Variants in PLD5 observed in about 807,000 individuals in gnomAD.
The protein encoded by PLD5 is phospholipase D family member 5, also known as inactive phospholipase D5.
PLD5 carries 36 observed loss-of-function variants against 61.1 expected under a neutral mutation model. That is an observed-to-expected ratio of 0.59 (90% CI 0.45 to 0.78). The LOEUF is 0.78. Among genes scored for constraint, PLD5 ranks in the 30% least tolerant of loss-of-function variants. The pLI is 0.00. For synonymous variants in PLD5, 243 were observed against 242.8 expected (o/e 1.00, Z -0.01); for missense variants, 515 against 644.4 (o/e 0.80, Z 2.17).
intron 2 of PLD5, among the ~76,000 whole-genome samples, chr1:242,327,186 T>C (rs1453533606): frequency 6.6e-6 from 1 of 152,040 alleles, no homozygotes; most frequent in Non-Finnish European, 1.5e-5. Flanking sequence ...TTTTAATTGT[T>C]TGTAGAAACG....
chr1:242,339,180 C>T (rs1356144118), intron 2 of PLD5, among the ~76,000 whole-genome samples: 1 of 151,968 alleles, frequency 6.6e-6, no homozygotes, highest in Non-Finnish European at 1.5e-5. Context: ...TTAATTTATA[C>T]TTGTATTTTC....
chr1:242,103,234 C>G (rs149281487), intron 8 of PLD5, among the ~76,000 whole-genome samples: 1 of 152,176 alleles, frequency 6.6e-6, no homozygotes, highest in Non-Finnish European at 1.5e-5. Context: ...ACTGGGCAGC[C>G]TCTTCACCCA....
Position 242,493,551 on chromosome 1 carries a change from G to A in PLD5, c.189+30537C>T, listed in dbSNP as rs910041507. ...AAGCCAGGGACAAGCAGTCAGTTTC[G>A]CCAGCCCCCTGCCCTCGCCGCCACC... On this transcript the variant is annotated intron_variant, in intron 1 of 9. Transcript: ENST00000536534. 3.3e-5 allele frequency among the ~76,000 whole-genome samples: 5 copies of A among 152,254 alleles called. No individual in the cohort carries two copies. The South Asian group carries it at 8.3e-4, about 25-fold the overall frequency.
At chr1:242,275,256 A>G (rs548485951) in intron 3 of PLD5, among the ~76,000 whole-genome samples, 5 of 152,004 alleles carry the variant, frequency 3.3e-5, no homozygotes, top group Non-Finnish European at 4.4e-5. Context: ...AGATCATATG[A>G]TATATGAATA....
chr1:242,373,302 A>G (rs1160287445), intron 1 of PLD5, among the ~76,000 whole-genome samples: 1 of 152,294 alleles, frequency 6.6e-6, no homozygotes, highest in African/African-American at 2.4e-5. Flanking sequence ...AGGAAACAAC[A>G]GGTGCTGGAG....
intron 5 of PLD5, among the ~76,000 whole-genome samples, 196 bp from the exon 6 acceptor site, chr1:242,124,861 G>GT (rs1408351708): frequency 1.3e-5 from 2 of 152,116 alleles, no homozygotes; most frequent in South Asian, 2.1e-4. Flanking sequence ...AATTTTGCTG[G>GT]TTTTTTGTAT....
Position 242,322,156 on chromosome 1 carries a change from G to A in PLD5, c.326+25950C>T, listed in dbSNP as rs150493931. Among the ~76,000 whole-genome samples the A allele has an allele frequency of 3.8e-3, 580 of 152,264 alleles. 8 individuals are homozygous for A. Among genetic ancestry groups the A allele is most frequent in the African/African-American group, 0.013 (556 of 41,548 alleles). On this transcript the variant is annotated intron_variant, in intron 2 of 9. Transcript: ENST00000536534. ...GAAAGCTGGCTGAAGGCAGAGCCGG[G>A]GCTTCACAGCTTTGGAGCGTTGACT...
At chr1:242,316,390 C>A (rs1324575540) in intron 2 of PLD5, among the ~76,000 whole-genome samples, 1 of 152,114 alleles carries the variant, frequency 6.6e-6, no homozygotes, top group Admixed American at 6.5e-5. Context: ...AGAGGGCCCT[C>A]CACTATTGCA....
At chr1:242,409,072 AAAAG>A (rs144418387) in intron 1 of PLD5, among the ~76,000 whole-genome samples, 23,620 of 119,944 alleles carry the variant, frequency 0.2, 2,087 homozygotes, top group African/African-American at 0.36. Context: ...TCTCAAAAAA[AAAAG>A]AAAAGAAAAG....
chr1:242,528,150 C>T (rs2103018668), upstream of PLD5, among the ~76,000 whole-genome samples: 1 of 152,288 alleles, frequency 6.6e-6, no homozygotes, highest in South Asian at 2.1e-4. Context: ...AGTACTAGAT[C>T]CTTTAATTAC....
intron 5 of PLD5, among the ~76,000 whole-genome samples, chr1:242,162,895 C>G (rs1461366327): frequency 2.0e-5 from 3 of 152,124 alleles, no homozygotes; most frequent in African/African-American, 7.2e-5. Context: ...AGAATATTCT[C>G]TAACCCACCA....
chr1:242,209,145 G>C (rs1256017318), intron 5 of PLD5: 1 of 152,148 alleles, frequency 6.6e-6, no homozygotes, highest in African/African-American at 2.4e-5. Flanking sequence ...TTTTCTTTCG[G>C]CTTCACACGC....
At chr1:242,382,619 A>G (rs1460343722) in intron 1 of PLD5, among the ~76,000 whole-genome samples, 1 of 152,170 alleles carries the variant, frequency 6.6e-6, no homozygotes, top group African/African-American at 2.4e-5. Flanking sequence ...TGATAAAAGC[A>G]TTTTTACTGG....
At chr1:242,280,701 T>A (rs1303607217) in intron 3 of PLD5, among the ~76,000 whole-genome samples, 1 of 152,166 alleles carries the variant, frequency 6.6e-6, no homozygotes, top group Non-Finnish European at 1.5e-5. Flanking sequence ...CCAGGCAAAA[T>A]GAAAACTAGG....
intron 2 of PLD5, among the ~76,000 whole-genome samples, chr1:242,332,357 G>A (rs531684400): frequency 2.6e-5 from 4 of 152,264 alleles, no homozygotes; most frequent in Admixed American, 2.6e-4. Context: ...ACATGGGCAT[G>A]TGTCTTCATA....
intron 5 of PLD5, among the ~76,000 whole-genome samples, chr1:242,184,238 C>A (rs1358389726): frequency 6.6e-6 from 1 of 152,174 alleles, no homozygotes; most frequent in Non-Finnish European, 1.5e-5. Context: ...ATAATAGCTT[C>A]CGTGGTGACC....
At chr1:242,122,292 AACTG>A (rs978767547) in intron 6 of PLD5, among the ~76,000 whole-genome samples, 16 of 152,030 alleles carry the variant, frequency 1.1e-4, no homozygotes, top group Non-Finnish European at 1.5e-5. Flanking sequence ...ATCAACAAAA[AACTG>A]ACTCTTTCCC....
In PLD5 at chr1:242,236,491, G is replaced by A. The variant is rs564330938; in HGVS notation, c.608-16376C>T. The stretch of plus-strand genomic sequence containing the variant: ...AGTGTCTAGCGAGTCAAGAATATAA[G>A]CAATTTCTCCCATCTCCAGAATGAA... On this transcript the variant is annotated intron_variant, in intron 4 of 9. Coordinates refer to ENST00000536534, the MANE Select transcript of PLD5 (RefSeq NM_001372062.1). 1.2e-4 allele frequency among the ~76,000 whole-genome samples: 18 copies of A among 151,658 alleles called. No homozygotes were observed. In the South Asian group the frequency reaches 3.7e-3, roughly 32 times the overall value.
chr1:242,261,726 A>T (rs1673383655), intron 4 of PLD5, among the ~76,000 whole-genome samples: 1 of 152,244 alleles, frequency 6.6e-6, no homozygotes, highest in Non-Finnish European at 1.5e-5. Flanking sequence ...GTCAATAAGC[A>T]TATGAGAAGA....
Sources: gnomAD v4.1 joint callset for allele counts (sites outside exome capture counted in the v4.1 genomes callset) on GRCh38, gnomAD v4.1.1 for gene constraint, MANE v1.5 for transcripts, NCBI Gene and HGNC (gene_info 2026-07-23, HGNC 2026-07-21) for gene names.